INSYN1: variants seen among roughly 807,000 people sequenced by gnomAD.
INSYN1 encodes inhibitory synaptic factor 1.
INSYN1 carries 7 observed loss-of-function variants against 17.1 expected under a neutral mutation model. The observed-to-expected ratio is 0.41, with a 90% CI of 0.23 to 0.77. The LOEUF (loss-of-function observed/expected upper bound fraction) is 0.77. Among genes scored for constraint, INSYN1 ranks in the 30% least tolerant of loss-of-function variants. INSYN1 has a pLI of 0.32. For missense variants in INSYN1, 339 were observed against 400.6 expected, an observed-to-expected ratio of 0.85 and a Z score of 1.31; for synonymous variants, 174 against 166.3, an observed-to-expected ratio of 1.05 and a Z score of -0.36.
In INSYN1 at chr15:73,738,156, A is replaced by G. The variant is rs1370068906; in HGVS notation, c.*1761T>C. 3 of 152,320 alleles carry G rather than the reference A, an allele frequency of 2.0e-5. No homozygotes were observed. Among genetic ancestry groups the G allele is most frequent in the African/African-American group, 7.2e-5 (3 of 41,472 alleles). The allele number at this position is 152,320 out of a possible 1,614,324, so 9.4% of individuals were successfully genotyped here. A position where few individuals can be genotyped will look rare whatever the true frequency, so the allele number is the denominator to read the frequency against. On this transcript the variant is annotated 3_prime_UTR_variant, in exon 3 of 3. Coordinates refer to ENST00000569673, the MANE Select transcript of INSYN1 (RefSeq NM_001039614.3). ...TTTGTCAAGTGCTTTCACAGTCACC[A>G]TCTCGTCGGAGCTCCACAGCAGCTG...
Position 73,738,810 on chromosome 15 carries a change from A to T in INSYN1, c.*1107T>A, listed in dbSNP as rs1244129890. 1 of 152,254 alleles carries T rather than the reference A, an allele frequency of 6.6e-6. No individual in the cohort carries two copies. Among genetic ancestry groups the T allele is most frequent in the Non-Finnish European group, 1.5e-5 (1 of 68,048 alleles). The allele number at this position is 152,254 out of a possible 1,614,324, so 9.4% of individuals were successfully genotyped here. ...CTGCTATAAAAAGTATTCGGCATAG[A>T]AGTAGCATAGAGACCTGCTCAATAA... On this transcript the variant is annotated 3_prime_UTR_variant, in exon 3 of 3. Coordinates refer to ENST00000569673, the MANE Select transcript of INSYN1 (RefSeq NM_001039614.3).
intron 2 of INSYN1, among the ~76,000 whole-genome samples, chr15:73,748,486 C>T (rs1031159305): frequency 2.6e-5 from 4 of 152,154 alleles, no homozygotes; most frequent in Non-Finnish European, 5.9e-5. Context: ...TGGTGCTGCC[C>T]AGGTCATGGG....
chr15:73,746,591 TC>T (rs1436694597), intron 2 of INSYN1, among the ~76,000 whole-genome samples: 1 of 152,080 alleles, frequency 6.6e-6, no homozygotes, highest in Non-Finnish European at 1.5e-5. Flanking sequence ...CCTAGGCAAA[TC>T]CGGTGGGGGA....
rs1426479360 is a variant in INSYN1, at chr15:73,737,619, C to A, written c.*2298G>T. On this transcript the variant is annotated 3_prime_UTR_variant, in exon 3 of 3. Transcript: ENST00000569673. ...CTGGCTAACTCTTTAGGGCTCCAAT[C>A]TCACCATGAGCTTGAGGAATAAGCT... 1 of 152,304 alleles carries A rather than the reference C, an allele frequency of 6.6e-6. No homozygotes were observed. The highest frequency in any genetic ancestry group is 1.9e-4 in the East Asian group (1 of 5,200). 9.4% of individuals were successfully genotyped at this position (152,304 alleles called of 1,614,324 possible).
At chr15:73,746,022 C>T (rs1206448216) in intron 2 of INSYN1, among the ~76,000 whole-genome samples, 1 of 150,234 alleles carries the variant, frequency 6.7e-6, no homozygotes, top group Non-Finnish European at 1.5e-5. Flanking sequence ...CATCCTGTAC[C>T]CCCGGACCCC....
rs963205006 is a variant in INSYN1 at position 73,735,547 on chromosome 15, G to A, written c.*4370C>T. 6.6e-6 allele frequency: 1 copy of A among 152,044 alleles called. No individual in the cohort carries two copies. The highest frequency in any genetic ancestry group is 1.5e-5 in the Non-Finnish European group (1 of 68,038). The allele number at this position is 152,044 out of a possible 1,614,324, so 9.4% of individuals were successfully genotyped here. A position where few individuals can be genotyped will look rare whatever the true frequency, so the allele number is the denominator to read the frequency against. ...TGACATTCAGGTTAACAGTAACTAA[G>A]TTCTCCAAAGACTGAGGCATGTTCA... On this transcript the variant is annotated 3_prime_UTR_variant, in exon 3 of 3. Transcript: ENST00000569673.
chr15:73,736,419 C>A lies in INSYN1; in HGVS notation c.*3498G>T, dbSNP rs1420181967. 6.6e-6 allele frequency: 1 copy of A among 152,030 alleles called. No individual in the cohort carries two copies. Among genetic ancestry groups the A allele is most frequent in the Non-Finnish European group, 1.5e-5 (1 of 68,032 alleles). 9.4% of individuals were successfully genotyped at this position (152,030 alleles called of 1,614,324 possible). A position where few individuals can be genotyped will look rare whatever the true frequency, so the allele number is the denominator to read the frequency against. ...GAGGCTGGCCAACATAGTGAAACTC[C>A]ATCTCTAAGAAAATACAAAAATTAA... On this transcript the variant is annotated 3_prime_UTR_variant, in exon 3 of 3. Transcript: ENST00000569673.
rs1452701771 is a variant in INSYN1, at chr15:73,753,010, A to C, written c.-1468T>G. Among the ~76,000 whole-genome samples, 1 of 149,120 alleles carries C rather than the reference A, an allele frequency of 6.7e-6. No homozygotes were observed. Among genetic ancestry groups the C allele is most frequent in the Non-Finnish European group, 1.5e-5 (1 of 66,962 alleles). ...GGCGGGCCGGGCCGGGCCGGGGCGC[A>C]CTAGGCTCGCAGCCTCCGCTCGGCT... On this transcript the variant is annotated 5_prime_UTR_variant, in exon 1 of 3. Coordinates refer to ENST00000569673, the MANE Select transcript of INSYN1 (RefSeq NM_001039614.3). The surrounding 1 kb of genome is among the most constrained non-coding windows in gnomAD (Gnocchi z 4.2).
At chr15:73,741,947 A>G (rs1356725064) in intron 2 of INSYN1, among the ~76,000 whole-genome samples, 1 of 152,222 alleles carries the variant, frequency 6.6e-6, no homozygotes, top group East Asian at 1.9e-4. Flanking sequence ...GGCTTGGGCC[A>G]GTGGGAAGAC....
At chr15:73,750,473 T>C (rs149165924) in intron 2 of INSYN1, among the ~76,000 whole-genome samples, 2 of 152,296 alleles carry the variant, frequency 1.3e-5, no homozygotes, top group East Asian at 3.9e-4. Context: ...GCTTAAATTT[T>C]TCCAAGATCA....
chr15:73,749,496 G>A (rs1901921672), intron 2 of INSYN1, among the ~76,000 whole-genome samples: 1 of 152,220 alleles, frequency 6.6e-6, no homozygotes, highest in Admixed American at 6.5e-5. Flanking sequence ...CTGGCTCTTT[G>A]TGGGTACCTG....
chr15:73,737,632 T>G lies in INSYN1; in HGVS notation c.*2285A>C, dbSNP rs1901563406. The G allele has an allele frequency of 2.0e-5, 3 of 152,270 alleles. No homozygotes were observed. In the South Asian group the frequency reaches 6.2e-4, roughly 32 times the overall value. 9.4% of individuals were successfully genotyped at this position (152,270 alleles called of 1,614,324 possible). A position where few individuals can be genotyped will look rare whatever the true frequency, so the allele number is the denominator to read the frequency against. The stretch of plus-strand genomic sequence containing the variant: ...TAGGGCTCCAATCTCACCATGAGCT[T>G]GAGGAATAAGCTCTACATTGCAGAG... On this transcript the variant is annotated 3_prime_UTR_variant, in exon 3 of 3. Transcript: ENST00000569673.
At position 73,740,539 on chromosome 15, in the gene INSYN1, G is replaced by A. The variant is rs765329502; in HGVS notation, c.260C>T (p.Ala87Val). The A allele has an allele frequency of 1.7e-5, 27 of 1,613,962 alleles. No individual in the cohort carries two copies. The highest frequency in any genetic ancestry group is 2.7e-5 in the African/African-American group (2 of 74,926). The change falls in exon 3 of 3, where the codon GCG (alanine) becomes GTG (valine). Residue 87 changes from alanine (A) to valine (V), a missense_variant. By Grantham distance (64) the Ala-to-Val change is moderately conservative. Transcript: ENST00000569673. The part of the protein sequence containing the change: ...TVSSTSSSDK[A>V]GMGGPFDLGH... ...CAGGTCAAAGGGGCCACCCATGCCC[G>A]CCTTGTCACTGCTAGAGGTGCTGCT...
intron 2 of INSYN1, 34 bp from the exon 3 acceptor site, chr15:73,740,676 CCA>C (rs1901670890): frequency 1.3e-6 from 2 of 1,553,256 alleles, no homozygotes. Context: ...ATGAGAGGGG[CCA>C]GGTGGGTCCC....
At position 73,752,764 on chromosome 15, in the gene INSYN1, G is replaced by A. The variant is rs981562181; in HGVS notation, c.-1222C>T. 5 of 151,828 alleles carry A rather than the reference G, an allele frequency of 3.3e-5. No individual in the cohort carries two copies. The highest frequency in any genetic ancestry group is 1.2e-4 in the African/African-American group (5 of 41,394). The allele number at this position is 151,828 out of a possible 1,614,324, so 9.4% of individuals were successfully genotyped here. On this transcript the variant is annotated 5_prime_UTR_variant, in exon 1 of 3. Transcript: ENST00000569673. The surrounding 1 kb of genome is among the most constrained non-coding windows in gnomAD (Gnocchi z 5.2). ...CCACGGCTCAGTTCACGTTCCGAAA[G>A]GTCCGGAATCCACCGGGTCCCCGAG...
intron 2 of INSYN1, among the ~76,000 whole-genome samples, chr15:73,744,948 T>C (rs1182682076): frequency 7.1e-6 from 1 of 141,528 alleles, no homozygotes; most frequent in Non-Finnish European, 1.5e-5. Context: ...AGACCAAGAA[T>C]GACTTGCTCT....
chr15:73,741,629 A>C (rs1406016070), intron 2 of INSYN1, among the ~76,000 whole-genome samples: 2 of 152,200 alleles, frequency 1.3e-5, no homozygotes, highest in African/African-American at 4.8e-5. Flanking sequence ...GGGAGAGAGA[A>C]GATTCCAACC....
chr15:73,747,048 T>C (rs1901854511), intron 2 of INSYN1, among the ~76,000 whole-genome samples: 1 of 152,198 alleles, frequency 6.6e-6, no homozygotes, highest in African/African-American at 2.4e-5. Context: ...TGCTCCCTCT[T>C]TGACCTTTCC....
chr15:73,749,198 C>T (rs1457197221), intron 2 of INSYN1, among the ~76,000 whole-genome samples: 1 of 152,110 alleles, frequency 6.6e-6, no homozygotes, highest in African/African-American at 2.4e-5. Context: ...GCAAAGAGAT[C>T]GCCCAGTAGC....
Sources: gnomAD v4.1 joint callset for allele counts (sites outside exome capture counted in the v4.1 genomes callset) on GRCh38, gnomAD v4.1.1 for gene constraint, Gnocchi (gnomAD v3.1) non-coding constraint, MANE v1.5 for transcripts, NCBI Gene and HGNC (gene_info 2026-07-23, HGNC 2026-07-21) for gene names.